ATP2B4: variants seen among roughly 807,000 people sequenced by gnomAD.
ATP2B4 encodes ATPase plasma membrane Ca2+ transporting 4.
A neutral mutation model predicts 110.3 loss-of-function variants in ATP2B4; 39 were observed. The ratio of observed to expected loss-of-function variants is 0.35; its 90% CI spans 0.27 to 0.46. The LOEUF (loss-of-function observed/expected upper bound fraction) is 0.46. Among genes scored for constraint, ATP2B4 ranks in the 20% least tolerant of loss-of-function variants. The pLI is 1.00. For missense variants in ATP2B4, 1,135 were observed against 1,530.9 expected (o/e 0.74, Z 4.32); for synonymous variants, 538 against 571.7 (o/e 0.94, Z 0.84).
At chr1:203,659,808 G>T (rs934263425) in intron 1 of ATP2B4, among the ~76,000 whole-genome samples, 2 of 152,188 alleles carry the variant, frequency 1.3e-5, no homozygotes, top group African/African-American at 4.8e-5. Context: ...AAAAAGCTGG[G>T]TGTGGTGGCT....
chr1:203,678,392 CTTTTTTT>C lies in ATP2B4; in HGVS notation c.-464-4336_-464-4330del, dbSNP rs35598967. Among the ~76,000 whole-genome samples, 13 of 100,202 alleles carry C rather than the reference CTTTTTTT, an allele frequency of 1.3e-4. No homozygotes were observed. The East Asian group carries it at 3.5e-3, about 27-fold the overall frequency. 65.7% of individuals were successfully genotyped at this position (100,202 alleles called of 152,430 possible). ...TCTGGCAGCTCCTCATTTCTAGAGG[CTTTTTTT>C]TTTTTTTTTTTTTGAAGTCAGGGTC... is the stretch of plus-strand genomic sequence containing the variant. On this transcript the variant is annotated intron_variant, in intron 1 of 20. Coordinates refer to ENST00000357681, the MANE Select transcript of ATP2B4 (RefSeq NM_001684.5).
chr1:203,681,208 C>T (rs11240731), intron 1 of ATP2B4, among the ~76,000 whole-genome samples: 2 of 152,070 alleles, frequency 1.3e-5, no homozygotes, highest in African/African-American at 4.8e-5. Context: ...ATCTATGTGG[C>T]GAGGAGGACG....
chr1:203,713,986 C>T (rs1228618946), intron 14 of ATP2B4, among the ~76,000 whole-genome samples, 185 bp from the exon 15 acceptor site: 1 of 152,052 alleles, frequency 6.6e-6, no homozygotes, highest in East Asian at 1.9e-4. Context: ...CTTAGGGTAC[C>T]GGATGAGGAC....
Position 203,698,245 on chromosome 1 carries a change from A to C in ATP2B4, c.282A>C (p.Leu94Phe), listed in dbSNP as rs1160853448. 1 of 1,614,084 alleles carries C rather than the reference A, an allele frequency of 6.2e-7. No individual in the cohort carries two copies. The highest frequency in any genetic ancestry group is 8.5e-7 in the Non-Finnish European group (1 of 1,180,042). ...CCCCCAAAAAGCCCAAGACTTTCTT[A>C]GAATTAGTGTGGGAAGCTCTTCAAG... ...VIPPKKPKTF[L>F]ELVWEALQDV... The change falls in exon 3 of 21, where the codon TTA becomes TTC. Residue 94 changes from leucine to phenylalanine, a missense_variant. Physicochemically the swap from Leu to Phe is conservative, Grantham distance 22. Around this residue, in one of 9 missense-constraint regions of ATP2B4, gnomAD observed 122 missense variants for 125.2 expected, o/e 0.97. Transcript: ENST00000357681.
intron 10 of ATP2B4, 125 bp from the exon 11 acceptor site, chr1:203,709,176 T>G: frequency 7.7e-7 from 1 of 1,294,854 alleles, no homozygotes; most frequent in Non-Finnish European, 1.1e-6. Flanking sequence ...AAAAAAAAAA[T>G]GTTATTTCCC....
intron 1 of ATP2B4, among the ~76,000 whole-genome samples, chr1:203,653,820 G>A (rs1351548527): frequency 1.3e-5 from 2 of 151,960 alleles, no homozygotes; most frequent in African/African-American, 2.4e-5. Context: ...GCCTCACAAA[G>A]TGTTGGGATT....
Position 203,713,160 on chromosome 1 carries a change from G to C in ATP2B4, c.2212-5G>C. The C allele has an allele frequency of 6.2e-7, 1 of 1,614,170 alleles. No individual in the cohort carries two copies. Among genetic ancestry groups the C allele is most frequent in the South Asian group, 1.1e-5 (1 of 91,080 alleles). On this transcript the variant is annotated splice_region_variant and splice_polypyrimidine_tract_variant and intron_variant, in intron 13 of 20. Coordinates refer to ENST00000357681, the MANE Select transcript of ATP2B4 (RefSeq NM_001684.5). ...ACTGATCCAGGTGTGGTCTGGTGTT[G>C]GCAGGTAGAGCAAGAAAAGCTGGAC... is the stretch of plus-strand genomic sequence containing the variant.
intron 2 of ATP2B4, 125 bp from the exon 3 acceptor site, chr1:203,698,032 C>T (rs945306704): frequency 1.5e-4 from 113 of 763,096 alleles, no homozygotes; most frequent in Non-Finnish European, 4.1e-5. Context: ...TTTGAGACAG[C>T]GTCTCTCTCT....
At chr1:203,725,910 T>C (rs1043938836) in intron 19 of ATP2B4, among the ~76,000 whole-genome samples, 122 of 141,576 alleles carry the variant, frequency 8.6e-4, no homozygotes, top group African/African-American at 3.0e-3. Flanking sequence ...TTTTCTTTTT[T>C]TTTTTTTTTT....
intron 1 of ATP2B4, among the ~76,000 whole-genome samples, chr1:203,676,841 G>C (rs78789873): frequency 0.026 from 4,021 of 152,110 alleles, 160 homozygotes; most frequent in African/African-American, 0.088. Flanking sequence ...GAGGACAAGG[G>C]GGAAGGGAGG....
chr1:203,661,166 T>C (rs974217547), intron 1 of ATP2B4, among the ~76,000 whole-genome samples: 1 of 151,632 alleles, frequency 6.6e-6, no homozygotes, highest in East Asian at 1.9e-4. Flanking sequence ...ATTTGGGCTG[T>C]CTGTCCACAG....
At chr1:203,675,963 C>T (rs926105624) in intron 1 of ATP2B4, among the ~76,000 whole-genome samples, 5 of 152,080 alleles carry the variant, frequency 3.3e-5, no homozygotes, top group African/African-American at 1.2e-4. Flanking sequence ...CCCAGAACTT[C>T]AGGAAGGGAG....
rs1346980063 is a variant in ATP2B4 at position 203,716,306 on chromosome 1, C to T, written c.2406+2029C>T. ...CCTCCCATGAGGAGTCAAACAGAGT[C>T]CATTCTTTCCCCACTAATGAAAACA... On this transcript the variant is annotated intron_variant, in intron 15 of 20. Transcript: ENST00000357681. 2.1e-5 allele frequency among the ~76,000 whole-genome samples: 3 copies of T among 145,052 alleles called. 1 individual carries two copies. Among genetic ancestry groups the T allele is most frequent in the Admixed American group, 2.1e-4 (3 of 14,582 alleles).
At chr1:203,726,328 G>A (rs191560876) in intron 19 of ATP2B4, among the ~76,000 whole-genome samples, 65 of 151,982 alleles carry the variant, frequency 4.3e-4, no homozygotes, top group Admixed American at 1.9e-3. Flanking sequence ...TCGGCCTCCC[G>A]AAGTGCTGGG....
chr1:203,700,599 GA>G (rs1665661777), intron 5 of ATP2B4, among the ~76,000 whole-genome samples, 198 bp from the exon 6 acceptor site: 1 of 152,228 alleles, frequency 6.6e-6, no homozygotes, highest in African/African-American at 2.4e-5. Context: ...AAAGCGGTTA[GA>G]CACATTTTCC....
At chr1:203,684,889 C>A (rs950792602) in intron 2 of ATP2B4, among the ~76,000 whole-genome samples, 1 of 151,896 alleles carries the variant, frequency 6.6e-6, no homozygotes, top group Non-Finnish European at 1.5e-5. Context: ...GAAGGAGTCT[C>A]ACTCTTGTTG....
At chr1:203,673,291 C>T (rs1664730416) in intron 1 of ATP2B4, among the ~76,000 whole-genome samples, 1 of 152,206 alleles carries the variant, frequency 6.6e-6, no homozygotes, top group African/African-American at 2.4e-5. Context: ...CCCAGTTCTC[C>T]AGAGGATCCT....
At chr1:203,664,870 C>T (rs1664453589) in intron 1 of ATP2B4, among the ~76,000 whole-genome samples, 1 of 152,176 alleles carries the variant, frequency 6.6e-6, no homozygotes. Context: ...CTCGCTCTGT[C>T]ACCCAGGCTG....
rs535471303 is a variant in ATP2B4 at position 203,741,900 on chromosome 1, T to C, written c.*2046T>C. ...TAGAAGATTTAATTCTATCAAATCT[T>C]GTATTACCTCAGATCATTTTAAATA... On this transcript the variant is annotated 3_prime_UTR_variant, in exon 21 of 21. Coordinates refer to ENST00000357681, the MANE Select transcript of ATP2B4 (RefSeq NM_001684.5). 1 of 152,796 alleles carries C rather than the reference T, an allele frequency of 6.5e-6. No individual in the cohort carries two copies. The highest frequency in any genetic ancestry group is 2.1e-4 in the South Asian group (1 of 4,830). The allele number at this position is 152,796 out of a possible 1,614,324, so 9.5% of individuals were successfully genotyped here.
Sources: allele counts gnomAD v4.1 joint callset (sites outside exome capture counted in the v4.1 genomes callset), GRCh38; gene constraint gnomAD v4.1.1; regional missense constraint gnomAD v4.1.1; transcripts MANE v1.5; gene names NCBI Gene and HGNC (gene_info 2026-07-23, HGNC 2026-07-21).